Variants in LRFN5 observed in about 807,000 individuals in gnomAD.
LRFN5 encodes the protein leucine-rich repeat and fibronectin type-III domain-containing protein 5.
In LRFN5, 24 loss-of-function variants were observed where a neutral mutation model predicts 45.6. That is an observed-to-expected ratio of 0.53 (90% CI 0.38 to 0.74). LRFN5 has a LOEUF of 0.74. Among genes scored for constraint, LRFN5 ranks in the 30% least tolerant of loss-of-function variants. The probability of loss-of-function intolerance (pLI) is 0.00; values close to 1 mark genes in which losing one functional copy is unlikely to be tolerated. For synonymous variants in LRFN5, 340 were observed against 313.8 expected (o/e 1.08, Z -0.88); for missense variants, 776 against 861.5 (o/e 0.90, Z 1.24).
chr14:41,889,560 T>G (rs1161687437), intron 3 of LRFN5, among the ~76,000 whole-genome samples: 1 of 152,188 alleles, frequency 6.6e-6, no homozygotes, highest in African/African-American at 2.4e-5. Flanking sequence ...ATTAGCTCTG[T>G]GAAATAAGCC....
intron 1 of LRFN5, among the ~76,000 whole-genome samples, chr14:41,638,653 A>G (rs537153302): frequency 1.6e-4 from 24 of 152,262 alleles, no homozygotes; most frequent in African/African-American, 5.8e-4. Flanking sequence ...AGAGAAAGAT[A>G]TTAGTTCTTT....
intron 1 of LRFN5, among the ~76,000 whole-genome samples, chr14:41,704,837 A>C (rs190831117): frequency 3.3e-5 from 5 of 152,114 alleles, no homozygotes; most frequent in Non-Finnish European, 5.9e-5. Flanking sequence ...GAAGAAACCT[A>C]TTATGTTAGC....
chr14:41,785,268 T>C (rs1418981437), intron 2 of LRFN5, among the ~76,000 whole-genome samples: 3 of 152,136 alleles, frequency 2.0e-5, no homozygotes, highest in African/African-American at 7.2e-5. Flanking sequence ...TATGCAATTA[T>C]TGAGATGGTG....
intron 1 of LRFN5, among the ~76,000 whole-genome samples, chr14:41,752,034 G>A (rs971282353): frequency 6.6e-6 from 1 of 151,988 alleles, no homozygotes; most frequent in Non-Finnish European, 1.5e-5. Context: ...TTGTCCTTGC[G>A]ACAGTTTGCT....
At chr14:41,769,154 T>C (rs542825301) in intron 2 of LRFN5, among the ~76,000 whole-genome samples, 2 of 151,842 alleles carry the variant, frequency 1.3e-5, no homozygotes, top group Non-Finnish European at 2.9e-5. Flanking sequence ...TGAAAATTCA[T>C]AGGACATCCA....
intron 2 of LRFN5, among the ~76,000 whole-genome samples, chr14:41,812,866 G>T (rs2138994776): frequency 6.6e-6 from 1 of 152,220 alleles, no homozygotes; most frequent in Non-Finnish European, 1.5e-5. Flanking sequence ...AAAGTTTCAT[G>T]AAGAAACTTA....
intron 3 of LRFN5, 56 bp from the exon 4 acceptor site, chr14:41,891,194 C>A: frequency 7.4e-7 from 1 of 1,347,356 alleles, no homozygotes; most frequent in Admixed American, 1.8e-5. Flanking sequence ...TAATGACTTT[C>A]TGTGTATGTG....
chr14:41,844,386 G>A (rs1181801257), intron 2 of LRFN5, among the ~76,000 whole-genome samples: 1 of 150,176 alleles, frequency 6.7e-6, no homozygotes, highest in Non-Finnish European at 1.5e-5. Flanking sequence ...GCAGTGAGCG[G>A]AGATCTTGCC....
intron 1 of LRFN5, among the ~76,000 whole-genome samples, chr14:41,727,361 T>G (rs866094175): frequency 6.6e-5 from 10 of 152,066 alleles, no homozygotes; most frequent in Non-Finnish European, 1.3e-4. Flanking sequence ...CTTAGCACTT[T>G]AGCAGGCAGA....
chr14:41,717,433 C>T (rs542667229), intron 1 of LRFN5, among the ~76,000 whole-genome samples: 10 of 152,254 alleles, frequency 6.6e-5, no homozygotes, highest in African/African-American at 2.4e-4. Context: ...AACACCAAAA[C>T]ACGTAGTTTT....
chr14:41,786,583 G>T (rs1886730119), intron 2 of LRFN5, among the ~76,000 whole-genome samples: 1 of 147,220 alleles, frequency 6.8e-6, no homozygotes. Context: ...ACTATGGCTT[G>T]GTGTAGTTTT....
At chr14:41,725,355 G>A (rs1883886608) in intron 1 of LRFN5, among the ~76,000 whole-genome samples, 1 of 152,162 alleles carries the variant, frequency 6.6e-6, no homozygotes, top group South Asian at 2.1e-4. Context: ...TTCATCTGCT[G>A]TTTGGAGATA....
chr14:41,694,114 AT>A (rs1882496539), intron 1 of LRFN5, among the ~76,000 whole-genome samples: 1 of 152,048 alleles, frequency 6.6e-6, no homozygotes, highest in African/African-American at 2.4e-5. Context: ...TGTTTTACAT[AT>A]GTGTACAATG....
At chr14:41,837,312 G>A (rs1047052990) in intron 2 of LRFN5, among the ~76,000 whole-genome samples, 3 of 151,794 alleles carry the variant, frequency 2.0e-5, no homozygotes, top group Admixed American at 1.3e-4. Context: ...AGACAAATCG[G>A]CATTTGTTTT....
intron 2 of LRFN5, among the ~76,000 whole-genome samples, chr14:41,771,124 A>G (rs1035003711): frequency 1.3e-5 from 2 of 151,330 alleles, no homozygotes; most frequent in African/African-American, 2.4e-5. Flanking sequence ...ATGGGGAGCA[A>G]TATCTCAAGG....
chr14:41,682,357 T>C (rs948122743), intron 1 of LRFN5, among the ~76,000 whole-genome samples: 2 of 151,940 alleles, frequency 1.3e-5, no homozygotes, highest in African/African-American at 4.8e-5. Context: ...AGGACAAAGT[T>C]AAAGTTTAGA....
At chr14:41,622,567 TATC>T (rs1888174054) in intron 1 of LRFN5, among the ~76,000 whole-genome samples, 1 of 152,116 alleles carries the variant, frequency 6.6e-6, no homozygotes. Context: ...TGTTCATAAT[TATC>T]ATACTTTAAA....
chr14:41,632,950 T>C (rs781190225), intron 1 of LRFN5, among the ~76,000 whole-genome samples: 1 of 152,152 alleles, frequency 6.6e-6, no homozygotes, highest in Non-Finnish European at 1.5e-5. Flanking sequence ...ATTTATATGA[T>C]TTTTCTGTGC....
chr14:41,722,781 C>G (rs769182996), intron 1 of LRFN5, among the ~76,000 whole-genome samples: 3 of 152,092 alleles, frequency 2.0e-5, no homozygotes, highest in Non-Finnish European at 2.9e-5. Context: ...ATACTTAATT[C>G]TTGTTTACTG....
Sources: gnomAD v4.1 joint callset for allele counts (sites outside exome capture counted in the v4.1 genomes callset) on GRCh38, gnomAD v4.1.1 for gene constraint, MANE v1.5 for transcripts, NCBI Gene and HGNC (gene_info 2026-07-23, HGNC 2026-07-21) for gene names.